Variants in SLC4A10 observed in about 807,000 individuals in gnomAD.
The protein encoded by SLC4A10 is solute carrier family 4 member 10, also known as sodium-driven chloride bicarbonate exchanger.
A neutral mutation model predicts 137.7 loss-of-function variants in SLC4A10; 42 were observed. The observed-to-expected ratio is 0.30, with a 90% confidence interval of 0.24 to 0.39. The LOEUF (loss-of-function observed/expected upper bound fraction) is 0.39. SLC4A10 is among the 10% of genes least tolerant of loss of function. The pLI, the probability that SLC4A10 is intolerant of heterozygous loss-of-function variation, is 1.00. For synonymous variants in SLC4A10, 474 were observed against 464.1 expected (o/e 1.02, Z -0.27); for missense variants, 925 against 1,355.0 (o/e 0.68, Z 4.98).
At chr2:161,855,263 C>A (rs1360177255) in intron 5 of SLC4A10, 133 bp downstream of exon 5, 2 of 779,252 alleles carry the variant, frequency 2.6e-6, no homozygotes, top group South Asian at 6.8e-5. Flanking sequence ...TCTTAAAAGT[C>A]ATTTTCTTTT....
intron 15 of SLC4A10, among the ~76,000 whole-genome samples, chr2:161,935,156 T>C (rs548234858): frequency 6.6e-6 from 1 of 152,326 alleles, no homozygotes; most frequent in South Asian, 2.1e-4. Flanking sequence ...CTTTCCCCAC[T>C]GTGTGCTCTC....
intron 2 of SLC4A10, among the ~76,000 whole-genome samples, chr2:161,797,014 TA>T (rs756748656): frequency 1.3e-5 from 2 of 152,088 alleles, no homozygotes; most frequent in Non-Finnish European, 2.9e-5. Flanking sequence ...ATTGGGGAGG[TA>T]AGGAAGTACC....
intron 1 of SLC4A10, among the ~76,000 whole-genome samples, chr2:161,682,135 A>G (rs537213267): frequency 6.6e-6 from 1 of 152,108 alleles, no homozygotes; most frequent in African/African-American, 2.4e-5. Context: ...GTCCCACCAA[A>G]TACTTTTTGG....
intron 4 of SLC4A10, among the ~76,000 whole-genome samples, chr2:161,846,534 C>T (rs1469109289): frequency 1.3e-5 from 2 of 152,134 alleles, no homozygotes; most frequent in Non-Finnish European, 2.9e-5. Flanking sequence ...GTGTTCACAG[C>T]AAATTTATTT....
intron 20 of SLC4A10, among the ~76,000 whole-genome samples, 156 bp downstream of exon 20, chr2:161,957,396 T>C (rs1409818606): frequency 6.6e-6 from 1 of 152,186 alleles, no homozygotes; most frequent in African/African-American, 2.4e-5. Flanking sequence ...CTTCATAACC[T>C]AAGGGAGGGA....
chr2:161,828,891 A>G (rs10191301), intron 3 of SLC4A10, among the ~76,000 whole-genome samples: 2,138 of 146,682 alleles, frequency 0.015, 52 homozygotes, highest in African/African-American at 0.05. Flanking sequence ...AACTTCAGCT[A>G]CTGAGATATT....
intron 11 of SLC4A10, among the ~76,000 whole-genome samples, chr2:161,899,922 C>A (rs1339721440): frequency 2.0e-5 from 3 of 152,044 alleles, no homozygotes; most frequent in Non-Finnish European, 4.4e-5. Flanking sequence ...TTTTTCAAAA[C>A]CTTTTTTATG....
At chr2:161,898,287 T>C (rs1237427042) in intron 11 of SLC4A10, among the ~76,000 whole-genome samples, 1 of 152,164 alleles carries the variant, frequency 6.6e-6, no homozygotes, top group East Asian at 1.9e-4. Flanking sequence ...TTTTTCATTT[T>C]AATTACCTTA....
chr2:161,731,855 T>A (rs1185423801), intron 1 of SLC4A10, among the ~76,000 whole-genome samples: 2 of 152,308 alleles, frequency 1.3e-5, no homozygotes, highest in African/African-American at 4.8e-5. Flanking sequence ...TAGTTTAAAA[T>A]CAGAATTAGA....
chr2:161,677,793 G>A (rs1161167255), intron 1 of SLC4A10, among the ~76,000 whole-genome samples: 4 of 152,128 alleles, frequency 2.6e-5, no homozygotes, highest in African/African-American at 9.7e-5. Context: ...AGCAAGATTT[G>A]GCACAGCTAG....
At chr2:161,889,856 TC>T (rs1415671235) in intron 10 of SLC4A10, among the ~76,000 whole-genome samples, 1 of 152,194 alleles carries the variant, frequency 6.6e-6, no homozygotes, top group Non-Finnish European at 1.5e-5. Context: ...CTCTTGCTTC[TC>T]TGGTTCTTTT....
chr2:161,891,715 T>C (rs1043651463), intron 10 of SLC4A10, among the ~76,000 whole-genome samples: 8 of 152,068 alleles, frequency 5.3e-5, no homozygotes, highest in Non-Finnish European at 1.0e-4. Context: ...TTCAAGGTTC[T>C]TAGCTTCCTT....
At chr2:161,897,104 C>CT (rs1469349823) in intron 11 of SLC4A10, among the ~76,000 whole-genome samples, 2 of 151,976 alleles carry the variant, frequency 1.3e-5, no homozygotes, top group African/African-American at 4.8e-5. Flanking sequence ...ATTTGTATTG[C>CT]TTTTTTGTGA....
chr2:161,786,731 C>G (rs1574962797), intron 2 of SLC4A10, among the ~76,000 whole-genome samples: 5 of 150,726 alleles, frequency 3.3e-5, no homozygotes, highest in Admixed American at 3.3e-4. Flanking sequence ...TTTTTAGGAT[C>G]TTTGAGTTTT....
intron 1 of SLC4A10, among the ~76,000 whole-genome samples, chr2:161,655,461 G>GT (rs35283591): frequency 6.6e-6 from 1 of 152,142 alleles, no homozygotes; most frequent in Non-Finnish European, 1.5e-5. Flanking sequence ...AAAGCTTTCA[G>GT]TTTTTTCACA....
At chr2:161,911,016 GTTTAAAATA>G (rs1685709470) in intron 15 of SLC4A10, among the ~76,000 whole-genome samples, 1 of 151,488 alleles carries the variant, frequency 6.6e-6, no homozygotes, top group Non-Finnish European at 1.5e-5. Context: ...TTTAAAATAT[GTTTAAAATA>G]TTTAAAATAT....
chr2:161,968,946 C>G (rs1005975341), intron 23 of SLC4A10, among the ~76,000 whole-genome samples: 2 of 152,196 alleles, frequency 1.3e-5, no homozygotes, highest in African/African-American at 4.8e-5. Flanking sequence ...ACTGTGGCAT[C>G]TTATACTAAG....
At chr2:161,947,759 A>T in intron 17 of SLC4A10, 32 bp downstream of exon 17, 1 of 1,597,908 alleles carries the variant, frequency 6.3e-7, no homozygotes, top group Non-Finnish European at 8.5e-7. Flanking sequence ...CTAAATGTAA[A>T]ATAACATAGG....
chr2:161,781,483 T>C (rs928158482), intron 2 of SLC4A10, among the ~76,000 whole-genome samples: 5 of 152,088 alleles, frequency 3.3e-5, no homozygotes, highest in South Asian at 2.1e-4. Context: ...AAGATATCTA[T>C]ATATGTATTA....
Sources: allele counts gnomAD v4.1 joint callset (sites outside exome capture counted in the v4.1 genomes callset), GRCh38; gene constraint gnomAD v4.1.1; transcripts MANE v1.5; gene names NCBI Gene and HGNC (gene_info 2026-07-23, HGNC 2026-07-21).